SEMA5A: variants seen among roughly 807,000 people sequenced by gnomAD.
The protein encoded by SEMA5A is semaphorin-5A.
Under a neutral mutation model 135.5 loss-of-function variants are expected in SEMA5A, and 55 were observed. The observed-to-expected ratio is 0.41, with a 90% CI of 0.33 to 0.51. The LOEUF (loss-of-function observed/expected upper bound fraction) is 0.51. Ranked by LOEUF, SEMA5A falls within the 20% of genes least tolerant of loss-of-function variation. The pLI is 0.37. For synonymous variants in SEMA5A, 580 were observed against 546.5 expected (o/e 1.06, Z -0.85); for missense variants, 1,290 against 1,419.9 (o/e 0.91, Z 1.47).
At chr5:9,165,742 C>T (rs916343005) in intron 11 of SEMA5A, among the ~76,000 whole-genome samples, 6 of 152,192 alleles carry the variant, frequency 3.9e-5, no homozygotes, top group Non-Finnish European at 5.9e-5. Flanking sequence ...GCATTATCAG[C>T]GAGGTAATGA....
intron 5 of SEMA5A, among the ~76,000 whole-genome samples, chr5:9,303,969 G>T (rs1751738872): frequency 6.6e-6 from 1 of 152,166 alleles, no homozygotes; most frequent in Middle Eastern, 3.4e-3. Flanking sequence ...ATCACTTGTT[G>T]AAGAAAAACA....
intron 1 of SEMA5A, among the ~76,000 whole-genome samples, chr5:9,477,832 G>GA (rs943281228): frequency 6.6e-6 from 1 of 152,026 alleles, no homozygotes; most frequent in Non-Finnish European, 1.5e-5. Context: ...CAGTAGAAAA[G>GA]AAAAAAACAT....
intron 5 of SEMA5A, among the ~76,000 whole-genome samples, chr5:9,304,277 G>A (rs901025489): frequency 1.3e-5 from 2 of 151,918 alleles, no homozygotes; most frequent in Non-Finnish European, 2.9e-5. Context: ...CTTGTGATTT[G>A]TGTAAAAAAA....
At chr5:9,528,335 G>T (rs1489627789) in intron 1 of SEMA5A, among the ~76,000 whole-genome samples, 1 of 152,080 alleles carries the variant, frequency 6.6e-6, no homozygotes, top group Non-Finnish European at 1.5e-5. Context: ...ACAAGTTCAG[G>T]TCCCTGATTA....
At chr5:9,542,977 A>G (rs1037351602) in intron 1 of SEMA5A, among the ~76,000 whole-genome samples, 4 of 152,232 alleles carry the variant, frequency 2.6e-5, no homozygotes, top group Non-Finnish European at 4.4e-5. Context: ...CTGTATCAAA[A>G]GCAAAGGCTC....
chr5:9,041,589 A>G lies in SEMA5A; in HGVS notation c.*1308T>C, dbSNP rs1454469857. The stretch of plus-strand genomic sequence containing the variant: ...ATCCCAAAAACCCTTACTTCCAGCT[A>G]TCCTGACTTCCCAAGGTACATCTTG... On this transcript the variant is annotated 3_prime_UTR_variant, in exon 23 of 23. Transcript: ENST00000382496. The G allele has an allele frequency of 6.6e-6, 1 of 152,300 alleles. No homozygotes were observed. The highest frequency in any genetic ancestry group is 1.5e-5 in the Non-Finnish European group (1 of 68,084). 9.4% of individuals were successfully genotyped at this position (152,300 alleles called of 1,614,324 possible).
chr5:9,421,915 C>A (rs1170004443), intron 2 of SEMA5A, among the ~76,000 whole-genome samples: 1 of 152,180 alleles, frequency 6.6e-6, no homozygotes, highest in Admixed American at 6.5e-5. Context: ...AACCTTATGC[C>A]TATTGCAGGA....
intron 1 of SEMA5A, among the ~76,000 whole-genome samples, chr5:9,502,806 A>G (rs1242331610): frequency 2.6e-5 from 4 of 152,098 alleles, no homozygotes; most frequent in African/African-American, 7.2e-5. Flanking sequence ...CCCTTTCCCA[A>G]AGGGTTCTAA....
chr5:9,380,264 G>C (rs1341963872), intron 2 of SEMA5A: 2 of 259,210 alleles, frequency 7.7e-6, no homozygotes, highest in Admixed American at 9.8e-5. Context: ...GCATGACATA[G>C]CCCATTTGTT....
rs538896437 is a variant in SEMA5A at position 9,141,789 on chromosome 5, T to C, written c.1482-5168A>G. Among the ~76,000 whole-genome samples, 3 of 152,330 alleles carry C rather than the reference T, an allele frequency of 2.0e-5. No homozygotes were observed. In the South Asian group the frequency reaches 6.2e-4, roughly 32 times the overall value. The stretch of plus-strand genomic sequence containing the variant: ...TATTCATTAAAATATTTTCACTGTA[T>C]TTCTGAAAAGTTGAGATTTATTAAT... On this transcript the variant is annotated intron_variant, in intron 12 of 22. Coordinates refer to ENST00000382496, the MANE Select transcript of SEMA5A (RefSeq NM_003966.3).
intron 1 of SEMA5A, among the ~76,000 whole-genome samples, chr5:9,526,171 TC>T (rs1166867498): frequency 6.6e-6 from 1 of 152,218 alleles, no homozygotes; most frequent in African/African-American, 2.4e-5. Context: ...ACCAAATGCT[TC>T]CCAGGGATTT....
chr5:9,358,011 G>A (rs1754527595), intron 3 of SEMA5A, among the ~76,000 whole-genome samples: 1 of 152,166 alleles, frequency 6.6e-6, no homozygotes, highest in Non-Finnish European at 1.5e-5. Context: ...ACACTAGACT[G>A]AGACAGTGGA....
chr5:9,423,871 C>A (rs1487651599), intron 2 of SEMA5A, among the ~76,000 whole-genome samples: 1 of 152,176 alleles, frequency 6.6e-6, no homozygotes, highest in Non-Finnish European at 1.5e-5. Flanking sequence ...ACAAGTATGC[C>A]TACTGCAGCT....
chr5:9,396,094 T>C (rs1046569866), intron 2 of SEMA5A, among the ~76,000 whole-genome samples: 11 of 152,188 alleles, frequency 7.2e-5, no homozygotes. Context: ...GGAAGGAAGC[T>C]ACCCACACGA....
rs975959115 is a variant in SEMA5A, at chr5:9,461,598, G to T, written c.-174-23746C>A. On this transcript the variant is annotated intron_variant, in intron 1 of 22. Transcript: ENST00000382496. Reference sequence around the variant, plus strand: ...TTTTTACAGTAGAATCAAATGTGGGGTCAGGAACACCTGCTCAGAAACACC... The same window carrying T: ...TTTTTACAGTAGAATCAAATGTGGGTTCAGGAACACCTGCTCAGAAACACC... 1.1e-4 allele frequency among the ~76,000 whole-genome samples: 16 copies of T among 152,144 alleles called. No individual in the cohort carries two copies. In the South Asian group the frequency reaches 1.7e-3, roughly 16 times the overall value.
At chr5:9,360,594 G>A (rs1402062530) in intron 3 of SEMA5A, among the ~76,000 whole-genome samples, 1 of 152,118 alleles carries the variant, frequency 6.6e-6, no homozygotes, top group African/African-American at 2.4e-5. Context: ...AGATGATGGT[G>A]AAAATAATAA....
At chr5:9,483,771 A>G (rs541128849) in intron 1 of SEMA5A, among the ~76,000 whole-genome samples, 1 of 152,372 alleles carries the variant, frequency 6.6e-6, no homozygotes, top group Admixed American at 6.5e-5. Context: ...GTAAACATTG[A>G]AACAGCTTAT....
Position 9,254,689 on chromosome 5 carries a change from C to T in SEMA5A, c.271-16799G>A, listed in dbSNP as rs1466440946. ...ATGCCATAGTTTACATATATTAAGC[C>T]ATGAACCACAGTAGGAGGCAGGAGG... On this transcript the variant is annotated intron_variant, in intron 5 of 22. Coordinates refer to ENST00000382496, the MANE Select transcript of SEMA5A (RefSeq NM_003966.3). Among the ~76,000 whole-genome samples, 5 of 151,810 alleles carry T rather than the reference C, an allele frequency of 3.3e-5. No homozygotes were observed. The East Asian group carries it at 9.6e-4, about 29-fold the overall frequency.
At chr5:9,536,327 A>C (rs959843020) in intron 1 of SEMA5A, among the ~76,000 whole-genome samples, 5 of 152,132 alleles carry the variant, frequency 3.3e-5, no homozygotes, top group Admixed American at 3.3e-4. Flanking sequence ...GCAAAAAGAC[A>C]GGAGGCCAGG....
Sources: allele counts gnomAD v4.1 joint callset (sites outside exome capture counted in the v4.1 genomes callset), GRCh38; gene constraint gnomAD v4.1.1; transcripts MANE v1.5; gene names NCBI Gene and HGNC (gene_info 2026-07-23, HGNC 2026-07-21).